Variants in RAB27B observed in about 807,000 individuals in gnomAD.
RAB27B encodes RAB27B, member RAS oncogene family.
A neutral mutation model predicts 24.6 loss-of-function variants in RAB27B; 15 were observed. The ratio of observed to expected loss-of-function variants is 0.61; its 90% CI spans 0.41 to 0.94. The LOEUF is 0.94. RAB27B is among the 40% of genes least tolerant of loss of function. The pLI is 0.00. For missense variants in RAB27B, 261 were observed against 266.8 expected, an observed-to-expected ratio of 0.98 and a Z score of 0.15; for synonymous variants, 105 against 92.5, an observed-to-expected ratio of 1.14 and a Z score of -0.78.
intron 2 of RAB27B, among the ~76,000 whole-genome samples, chr18:54,797,124 T>G (rs1909446058): frequency 6.6e-6 from 1 of 152,218 alleles, no homozygotes; most frequent in Admixed American, 6.5e-5. Context: ...ATAAATGATA[T>G]ATGCAGAAAG....
chr18:54,849,546 A>G (rs991689014), intron 1 of RAB27B, among the ~76,000 whole-genome samples: 5 of 152,046 alleles, frequency 3.3e-5, no homozygotes, highest in Non-Finnish European at 7.4e-5. Flanking sequence ...TCGTGAAACC[A>G]CTGTCTCTAC....
At chr18:54,781,013 G>A (rs1435352329) in intron 2 of RAB27B, among the ~76,000 whole-genome samples, 1 of 152,268 alleles carries the variant, frequency 6.6e-6, no homozygotes, top group Non-Finnish European at 1.5e-5. Context: ...GGATCATGCT[G>A]GGCATGCACA....
Position 54,872,908 on chromosome 18 carries a change from A to G in RAB27B, c.-19-4659A>G, listed in dbSNP as rs994576934. 2.6e-5 allele frequency among the ~76,000 whole-genome samples: 4 copies of G among 152,328 alleles called. No individual in the cohort carries two copies. The East Asian group carries it at 7.7e-4, about 29-fold the overall frequency. Reference sequence around the variant, plus strand: ...CTGAGCTGAGCTCTGTGGATCCAGCAGTAGACAAAAGAGATCAAGTTTCTG... The same window carrying G: ...CTGAGCTGAGCTCTGTGGATCCAGCGGTAGACAAAAGAGATCAAGTTTCTG... On this transcript the variant is annotated intron_variant, in intron 1 of 5. Transcript: ENST00000262094.
chr18:54,831,877 G>C (rs1420219870), intron 1 of RAB27B, among the ~76,000 whole-genome samples: 1 of 152,110 alleles, frequency 6.6e-6, no homozygotes, highest in Non-Finnish European at 1.5e-5. Context: ...CCGGGTTCAG[G>C]TGATTCTCCT....
intron 1 of RAB27B, among the ~76,000 whole-genome samples, chr18:54,850,063 A>G (rs1911498578): frequency 1.3e-5 from 2 of 151,340 alleles, no homozygotes; most frequent in South Asian, 4.2e-4. Flanking sequence ...TTGTATTAAG[A>G]CCCCCAAATC....
chr18:54,824,349 A>G (rs1217659809), upstream of RAB27B, among the ~76,000 whole-genome samples: 1 of 152,230 alleles, frequency 6.6e-6, no homozygotes, highest in Non-Finnish European at 1.5e-5. Context: ...ACTGATCTTT[A>G]AGACTGTAAC....
rs530080699 is a variant in RAB27B at position 54,736,785 on chromosome 18, A to C, written c.-20+18644A>C. On this transcript the variant is annotated intron_variant, in intron 2 of 4. Transcript: ENST00000586570. ...TTCAGGAAGGAGATATCATGTAGAAAAGCCCTGACAAAAGAGATAGCATAA... is the reference window on the plus strand; with the variant it reads ...TTCAGGAAGGAGATATCATGTAGAACAGCCCTGACAAAAGAGATAGCATAA... 2.0e-5 allele frequency among the ~76,000 whole-genome samples: 3 copies of C among 152,200 alleles called. No individual in the cohort carries two copies. In the South Asian group the frequency reaches 6.2e-4, roughly 32 times the overall value.
chr18:54,779,219 C>T (rs1908814353), intron 2 of RAB27B, among the ~76,000 whole-genome samples: 1 of 152,160 alleles, frequency 6.6e-6, no homozygotes, highest in Non-Finnish European at 1.5e-5. Flanking sequence ...GTTATTTCTT[C>T]ATCTTCAAAA....
intron 2 of RAB27B, among the ~76,000 whole-genome samples, chr18:54,807,254 CT>C: frequency 6.6e-6 from 1 of 152,314 alleles, no homozygotes; most frequent in South Asian, 2.1e-4. Context: ...ATTAACTAGC[CT>C]TTAGTTTTAA....
intron 2 of RAB27B, among the ~76,000 whole-genome samples, chr18:54,725,368 G>A (rs1909498276): frequency 6.6e-6 from 1 of 151,422 alleles, no homozygotes; most frequent in Non-Finnish European, 1.5e-5. Context: ...AAGGATTCAA[G>A]TTTCCAAACA....
intron 1 of RAB27B, among the ~76,000 whole-genome samples, chr18:54,843,528 T>G (rs1233380913): frequency 6.6e-6 from 1 of 152,202 alleles, no homozygotes; most frequent in East Asian, 1.9e-4. Context: ...AAGGGTGATA[T>G]TAAACACATT....
At chr18:54,792,611 C>T (rs974294049) in intron 2 of RAB27B, among the ~76,000 whole-genome samples, 2 of 152,120 alleles carry the variant, frequency 1.3e-5, no homozygotes, top group Admixed American at 6.5e-5. Flanking sequence ...TCTAAATAAT[C>T]GTATTATTTG....
intron 2 of RAB27B, among the ~76,000 whole-genome samples, chr18:54,731,158 A>G (rs1480337564): frequency 1.3e-5 from 2 of 152,246 alleles, no homozygotes; most frequent in Admixed American, 1.3e-4. Flanking sequence ...TAAATTTTAA[A>G]GCAGAAAAAA....
intron 1 of RAB27B, among the ~76,000 whole-genome samples, chr18:54,837,766 A>C (rs1017540199): frequency 1.3e-5 from 2 of 152,190 alleles, no homozygotes; most frequent in Non-Finnish European, 2.9e-5. Flanking sequence ...ATTTAAGGTT[A>C]TATATCTAAT....
At chr18:54,720,281 G>T (rs1287623271) in intron 2 of RAB27B, among the ~76,000 whole-genome samples, 1 of 152,078 alleles carries the variant, frequency 6.6e-6, no homozygotes, top group African/African-American at 2.4e-5. Flanking sequence ...GAAAAGTCTT[G>T]CAGCCCAAGA....
intron 2 of RAB27B, among the ~76,000 whole-genome samples, chr18:54,747,627 G>GC (rs751906177): frequency 1.1e-4 from 17 of 152,094 alleles, no homozygotes; most frequent in Non-Finnish European, 2.1e-4. Context: ...GTGTGTATGT[G>GC]CCCACCTGCA....
At chr18:54,841,183 C>T (rs1440463942) in intron 1 of RAB27B, among the ~76,000 whole-genome samples, 1 of 24,418 alleles carries the variant, frequency 4.1e-5, no homozygotes, top group Admixed American at 6.5e-4. Context: ...GTGAGAGGGG[C>T]GGGAAAAATA....
chr18:54,805,412 T>G (rs1323486629), intron 2 of RAB27B, among the ~76,000 whole-genome samples: 2 of 152,246 alleles, frequency 1.3e-5, no homozygotes, highest in African/African-American at 4.8e-5. Context: ...CTTCATACTT[T>G]CCTTTTTCTG....
chr18:54,776,367 A>G (rs989804363), intron 2 of RAB27B, among the ~76,000 whole-genome samples: 1 of 152,204 alleles, frequency 6.6e-6, no homozygotes, highest in African/African-American at 2.4e-5. Context: ...CCTGATTCAT[A>G]TTGAGTATTA....
Sources: allele counts gnomAD v4.1 joint callset (sites outside exome capture counted in the v4.1 genomes callset), GRCh38; gene constraint gnomAD v4.1.1; transcripts MANE v1.5; gene names NCBI Gene and HGNC (gene_info 2026-07-23, HGNC 2026-07-21).